Variants in SNX1 observed in about 807,000 individuals in gnomAD.
SNX1 encodes sorting nexin 1, also known as sorting nexin-1.
Under a neutral mutation model 71.8 loss-of-function variants are expected in SNX1, and 36 were observed. That is an observed-to-expected ratio of 0.50 (90% CI 0.38 to 0.66). SNX1 has a LOEUF of 0.66. Ranked by LOEUF, SNX1 falls within the 30% of genes least tolerant of loss-of-function variation. The probability of loss-of-function intolerance (pLI) is 0.00; values close to 1 mark genes in which losing one functional copy is unlikely to be tolerated. For missense variants in SNX1, 612 were observed against 646.7 expected, an observed-to-expected ratio of 0.95 and a Z score of 0.58; for synonymous variants, 254 against 240.7, an observed-to-expected ratio of 1.06 and a Z score of -0.51.
intron 4 of SNX1, among the ~76,000 whole-genome samples, chr15:64,122,077 A>G (rs531321341): frequency 6.6e-6 from 1 of 152,188 alleles, no homozygotes; most frequent in Non-Finnish European, 1.5e-5. Flanking sequence ...TTTCATGTAC[A>G]TTGCCTAAGT....
chr15:64,097,170 T>A (rs945500461), intron 1 of SNX1, among the ~76,000 whole-genome samples: 6 of 152,222 alleles, frequency 3.9e-5, no homozygotes, highest in Admixed American at 1.3e-4. Context: ...CCTGTGCAGA[T>A]GAACGGATGG....
chr15:64,134,333 G>T lies in SNX1; in HGVS notation c.1222-331G>T. 4.4e-6 allele frequency: 1 copy of T among 227,826 alleles called. No individual in the cohort carries two copies. Among genetic ancestry groups the T allele is most frequent in the Non-Finnish European group, 8.5e-6 (1 of 117,166 alleles). The allele number at this position is 227,826 out of a possible 1,614,324, so 14.1% of individuals were successfully genotyped here. A position where few individuals can be genotyped will look rare whatever the true frequency, so the allele number is the denominator to read the frequency against. On this transcript the variant is annotated intron_variant, in intron 11 of 14. Transcript: ENST00000559844. This position sits in a 1 kb window ranked among gnomAD's most constrained non-coding sequence, Gnocchi z 4.1. ...CATGGCAGGCACTCAGGGAAAGTAT[G>T]TAGCCTTATGAACTGACTGATCTGA...
chr15:64,143,027 A>G lies in SNX1; in HGVS notation c.*5409A>G, dbSNP rs1445800911. ...GGCGTGTCTTTTGCCGAGCACACTC[A>G]GGGCCCACGGGAAGCCCATAGACTT... is the stretch of plus-strand genomic sequence containing the variant. On this transcript the variant is annotated 3_prime_UTR_variant, in exon 15 of 15. Coordinates refer to ENST00000559844, the MANE Select transcript of SNX1 (RefSeq NM_003099.5). The G allele has an allele frequency of 2.1e-5, 4 of 194,350 alleles. No individual in the cohort carries two copies. In the East Asian group the frequency reaches 6.1e-4, roughly 30 times the overall value. 12.0% of individuals were successfully genotyped at this position (194,350 alleles called of 1,614,324 possible).
intron 10 of SNX1, 38 bp from the exon 11 acceptor site, chr15:64,131,649 A>G: frequency 1.3e-6 from 2 of 1,595,252 alleles, no homozygotes; most frequent in East Asian, 2.2e-5. Context: ...TTTCCTTGTG[A>G]GATCAGAGAG....
chr15:64,127,842 T>C, intron 8 of SNX1, 36 bp downstream of exon 8: 5 of 1,530,890 alleles, frequency 3.3e-6, no homozygotes, highest in Non-Finnish European at 4.5e-6. Flanking sequence ...TCATAATTTA[T>C]ATCTGCCCCT....
intron 1 of SNX1, among the ~76,000 whole-genome samples, chr15:64,107,108 A>G (rs1289710374): frequency 6.6e-6 from 1 of 152,118 alleles, no homozygotes; most frequent in East Asian, 1.9e-4. Flanking sequence ...ATTTACTCCT[A>G]ATTGTCCTTG....
chr15:64,124,147 C>CATATGTATATATATATAT (rs1222104314), intron 5 of SNX1, among the ~76,000 whole-genome samples: 9 of 105,434 alleles, frequency 8.5e-5, no homozygotes, highest in Non-Finnish European at 1.3e-4. Context: ...GAAATCTTTA[C>CATATGTATATATATATAT]ATATATATAT....
rs771802227 is a variant in SNX1, at chr15:64,130,277, G to A, written c.971G>A (p.Arg324Gln). The change falls in exon 10 of 15, where the codon CGG (arginine) becomes CAG (glutamine). Residue 324 changes from arginine (R) to glutamine (Q), a missense_variant. Around this residue, in one of 2 missense-constraint regions of SNX1, gnomAD observed 296 missense variants for 361.9 expected, o/e 0.82. Transcript: ENST00000559844. ...QEVECEEQRL[R>Q]KLHAVVETLV... ...GTAGAGTGTGAGGAGCAGCGCTTAC[G>A]GAAACTGCATGCTGTTGTAGAAACT... 1.5e-5 allele frequency: 25 copies of A among 1,614,112 alleles called. No homozygotes were observed. The highest frequency in any genetic ancestry group is 4.5e-5 in the East Asian group (2 of 44,882).
chr15:64,116,634 T>G (rs79733645), intron 2 of SNX1, among the ~76,000 whole-genome samples: 1,841 of 152,334 alleles, frequency 0.012, 36 homozygotes, highest in African/African-American at 0.043. Flanking sequence ...GCAGCATTCT[T>G]TGTATTTCCT....
At chr15:64,124,888 G>A (rs1268802098) in intron 5 of SNX1, among the ~76,000 whole-genome samples, 5 of 152,156 alleles carry the variant, frequency 3.3e-5, no homozygotes, top group Admixed American at 3.3e-4. Flanking sequence ...CAATTGGTGA[G>A]GCCAACCTCC....
In SNX1 at chr15:64,133,283, A is replaced by G. The variant is rs534817996; in HGVS notation, c.1222-1381A>G. Reference sequence around the variant, plus strand: ...GGGCTTGAGTCTAACTAACTCAGATAAGAGGTTGCCCTTTACCTAATCTTT... The same window carrying G: ...GGGCTTGAGTCTAACTAACTCAGATGAGAGGTTGCCCTTTACCTAATCTTT... On this transcript the variant is annotated intron_variant, in intron 11 of 14. Transcript: ENST00000559844. 1.1e-4 allele frequency among the ~76,000 whole-genome samples: 16 copies of G among 152,340 alleles called. No individual in the cohort carries two copies. The South Asian group carries it at 3.3e-3, about 32-fold the overall frequency.
chr15:64,126,820 C>T (rs1401596908), intron 6 of SNX1, among the ~76,000 whole-genome samples: 6 of 152,088 alleles, frequency 3.9e-5, no homozygotes, highest in Admixed American at 1.3e-4. Flanking sequence ...CCTCGTGGTC[C>T]GCCCGCCTTG....
In SNX1 at chr15:64,107,757, A is replaced by AAT. The variant is rs398039467; in HGVS notation, c.160-4816_160-4815insAT. Among the ~76,000 whole-genome samples, 5 of 151,580 alleles carry AAT rather than the reference A, an allele frequency of 3.3e-5. 1 individual carries two copies. The highest frequency in any genetic ancestry group is 4.8e-5 in the African/African-American group (2 of 41,352). ...TAGCTGCGAAAAGGAAAAAAAAAAA[A>AAT]GCAAGGGCGATTCTTTGGCATTATT... On this transcript the variant is annotated intron_variant, in intron 1 of 14. Coordinates refer to ENST00000559844, the MANE Select transcript of SNX1 (RefSeq NM_003099.5).
intron 10 of SNX1, among the ~76,000 whole-genome samples, chr15:64,130,975 G>A (rs2081300565): frequency 6.6e-6 from 1 of 152,178 alleles, no homozygotes; most frequent in South Asian, 2.1e-4. Flanking sequence ...ACTATGTGTA[G>A]CCTTCAAAAT....
At chr15:64,124,147 C>CATACATATATATATATATAT (rs2081223975) in intron 5 of SNX1, among the ~76,000 whole-genome samples, 1 of 105,434 alleles carries the variant, frequency 9.5e-6, no homozygotes, top group Admixed American at 8.2e-5. Context: ...GAAATCTTTA[C>CATACATATATATATATATAT]ATATATATAT....
At chr15:64,125,686 A>G (rs1252451179) in intron 5 of SNX1, among the ~76,000 whole-genome samples, 1 of 152,154 alleles carries the variant, frequency 6.6e-6, no homozygotes, top group Non-Finnish European at 1.5e-5. Flanking sequence ...GTTACTGGTT[A>G]CTATAGAATT....
Position 64,142,389 on chromosome 15 carries a change from T to G in SNX1, c.*4771T>G. On this transcript the variant is annotated 3_prime_UTR_variant, in exon 15 of 15. Coordinates refer to ENST00000559844, the MANE Select transcript of SNX1 (RefSeq NM_003099.5). Reference sequence around the variant, plus strand: ...GTTGCTTTAAGTAGGGGAGATAGAGTTAAAGGAGGCTTTGTTTTATTTAAA... The same window carrying G: ...GTTGCTTTAAGTAGGGGAGATAGAGGTAAAGGAGGCTTTGTTTTATTTAAA... 3.6e-6 allele frequency: 1 copy of G among 276,756 alleles called. No individual in the cohort carries two copies. The highest frequency in any genetic ancestry group is 1.0e-4 in the East Asian group (1 of 9,824). 17.1% of individuals were successfully genotyped at this position (276,756 alleles called of 1,614,324 possible).
In SNX1 at chr15:64,143,810, C is replaced by T. The variant is rs1284049793; in HGVS notation, c.*6192C>T. 1.3e-5 allele frequency: 2 copies of T among 152,216 alleles called. No individual in the cohort carries two copies. Among genetic ancestry groups the T allele is most frequent in the Non-Finnish European group, 2.9e-5 (2 of 68,044 alleles). 9.4% of individuals were successfully genotyped at this position (152,216 alleles called of 1,614,324 possible). ...CATTCACTGAGGATCCTCATAGGCA[C>T]TTCTAGAAACCAAATCCTTGAAGAT... On this transcript the variant is annotated 3_prime_UTR_variant, in exon 15 of 15. Coordinates refer to ENST00000559844, the MANE Select transcript of SNX1 (RefSeq NM_003099.5).
chr15:64,104,963 G>T (rs1165201248), intron 1 of SNX1, among the ~76,000 whole-genome samples: 1 of 148,394 alleles, frequency 6.7e-6, no homozygotes, highest in Admixed American at 6.7e-5. Flanking sequence ...GGCCGGGCAC[G>T]GTGGCTCACG....
Sources: allele counts gnomAD v4.1 joint callset (sites outside exome capture counted in the v4.1 genomes callset), GRCh38; gene constraint gnomAD v4.1.1; regional missense constraint gnomAD v4.1.1; non-coding constraint Gnocchi (gnomAD v3.1); transcripts MANE v1.5; gene names NCBI Gene and HGNC (gene_info 2026-07-23, HGNC 2026-07-21).